HUWE1: variants seen among roughly 807,000 people sequenced by gnomAD.
The protein encoded by HUWE1 is E3 ubiquitin-protein ligase HUWE1.
Under a neutral mutation model 299.4 loss-of-function variants are expected in HUWE1, and 18 were observed. The ratio of observed to expected loss-of-function variants is 0.06; its 90% CI spans 0.04 to 0.09. HUWE1 has a LOEUF of 0.09. Ranked by LOEUF, HUWE1 falls within the 10% of genes least tolerant of loss-of-function variation. The pLI, the probability that HUWE1 is intolerant of heterozygous loss-of-function variation, is 1.00. For missense variants in HUWE1, 1,832 were observed against 3,462.3 expected (o/e 0.53, Z 11.82); for synonymous variants, 1,317 against 1,286.1 (o/e 1.02, Z -0.51).
chrX:53,663,598 C>T (rs1362482469), intron 3 of HUWE1, among the ~76,000 whole-genome samples: 1 of 111,221 alleles, frequency 9.0e-6, no homozygotes, highest in African/African-American at 3.3e-5. Flanking sequence ...TAAATAAAGA[C>T]ACTAGCTTAT....
At chrX:53,551,713 A>G (rs1556929240) in intron 63 of HUWE1, among the ~76,000 whole-genome samples, 2 of 111,009 alleles carry the variant, frequency 1.8e-5, no homozygotes, top group South Asian at 3.8e-4. Context: ...GGGTCTCCCT[A>G]TGTTGCCCAG....
intron 51 of HUWE1, 128 bp downstream of exon 51, chrX:53,564,446 C>T: frequency 1.3e-6 from 1 of 744,175 alleles, no homozygotes; most frequent in Non-Finnish European, 2.0e-6. Context: ...CTAAGCATAT[C>T]ACCCATGCTC....
rs1556981442 is a variant in HUWE1, at chrX:53,593,502, G to A, written c.3603C>T (p.Ala1201=). ...CCATCTTCTCCACCAGCATAAGCCA[G>A]GCATCTAGGAATTCTCCTGTGCCAT... ...LPDGTGEFLD[A]WLMLVEKMVN... is the part of the protein sequence containing the mutation. The change falls in exon 32 of 84, where the codon GCC becomes GCT. Residue 1201 remains alanine, a synonymous_variant. Coordinates refer to ENST00000262854, the MANE Select transcript of HUWE1 (RefSeq NM_031407.7). 1.7e-6 allele frequency: 2 copies of A among 1,211,194 alleles called. No homozygotes were observed.
rs185657233 is a variant in HUWE1 at position 53,583,852 on chromosome X, G to A, written c.5226C>T (p.Ile1742=). 2.9e-5 allele frequency: 35 copies of A among 1,207,469 alleles called. No homozygotes were observed. In the African/African-American group the frequency reaches 3.3e-4, roughly 12 times the overall value. The change falls in exon 42 of 84, where the codon ATC becomes ATT. Residue 1742 remains isoleucine, a synonymous_variant. Coordinates refer to ENST00000262854, the MANE Select transcript of HUWE1 (RefSeq NM_031407.7). ...EKETSLEETK[I]GEILIQGLTE... is the part of the protein sequence containing the mutation. ...TCAAGCCCTGGATCAGGATCTCCCCGATTTTTGTTTCCTCCAGGCTTGTCT... is the reference window on the plus strand; with the variant it reads ...TCAAGCCCTGGATCAGGATCTCCCCAATTTTTGTTTCCTCCAGGCTTGTCT...
chrX:53,640,818 C>T (rs797043304), intron 7 of HUWE1, among the ~76,000 whole-genome samples: 3 of 112,056 alleles, frequency 2.7e-5, no homozygotes, highest in African/African-American at 6.5e-5. Flanking sequence ...GAAACATACC[C>T]GATACTTTAT....
intron 18 of HUWE1, 60 bp from the exon 19 acceptor site, chrX:53,624,735 G>C (rs1482539534): frequency 2.5e-6 from 2 of 801,329 alleles, no homozygotes; most frequent in African/African-American, 4.1e-5. Context: ...TGAGGAGTGG[G>C]GATAATTGAG....
chrX:53,609,305 T>G (rs782147381), intron 23 of HUWE1, among the ~76,000 whole-genome samples: 1 of 112,143 alleles, frequency 8.9e-6, no homozygotes, highest in East Asian at 2.8e-4. Context: ...GTTAGGGAAA[T>G]TTATCCACAT....
chrX:53,561,318 T>C (rs2062278855), intron 55 of HUWE1, among the ~76,000 whole-genome samples: 1 of 112,171 alleles, frequency 8.9e-6, no homozygotes, highest in African/African-American at 3.2e-5. Flanking sequence ...AAAAGACGCA[T>C]CCTGGATGAA....
chrX:53,652,477 C>T (rs1426915651), intron 4 of HUWE1, among the ~76,000 whole-genome samples: 1 of 111,883 alleles, frequency 8.9e-6, no homozygotes, highest in African/African-American at 3.2e-5. Flanking sequence ...ACTAGGATCA[C>T]TTTTCTAGGT....
At chrX:53,654,473 G>T (rs1406724728) in intron 3 of HUWE1, among the ~76,000 whole-genome samples, 1 of 111,156 alleles carries the variant, frequency 9.0e-6, no homozygotes, top group Non-Finnish European at 1.9e-5. Context: ...ATTCACCATA[G>T]CCCTGCAGTT....
intron 11 of HUWE1, 130 bp from the exon 12 acceptor site, chrX:53,631,164 C>T (rs1557022394): frequency 2.3e-5 from 12 of 520,068 alleles, no homozygotes; most frequent in Non-Finnish European, 3.1e-5. Flanking sequence ...CAGAAAGCTA[C>T]CACCACTTAT....
chrX:53,553,658 A>C (rs912004150), intron 61 of HUWE1, among the ~76,000 whole-genome samples: 1 of 107,635 alleles, frequency 9.3e-6, no homozygotes, highest in Admixed American at 9.9e-5. Flanking sequence ...AAAAATACAA[A>C]AATCAGCTGG....
At chrX:53,542,845 T>TTGTG (rs57187405) in intron 73 of HUWE1, 12,222 of 162,951 alleles carry the variant, frequency 0.075, 695 homozygotes, top group East Asian at 0.088. Flanking sequence ...TCTTCTTCTG[T>TTGTG]TGTGTGTGTG....
Position 53,542,538 on chromosome X carries a change from G to A in HUWE1, c.11381C>T (p.Ser3794Leu). ...AGACGCCTCTGACTGGCTAGACTCC[G>A]ACTGGATAAAAGGGAGACAAAAATC... ...RARRQQQAAT[S>L]ESSQSEASVR... is the part of the protein sequence containing the mutation. Residue 3794 changes from serine (S) to leucine (L), a missense_variant and splice_region_variant, in exon 74 of 84, where the codon TCG becomes TTG. Physicochemically the swap from Ser to Leu is moderately radical, Grantham distance 145. Transcript: ENST00000262854. 2 of 1,170,406 alleles carry A rather than the reference G, an allele frequency of 1.7e-6. No homozygotes were observed. The highest frequency in any genetic ancestry group is 1.8e-5 in the African/African-American group (1 of 57,077).
At chrX:53,615,522 C>T (rs1164426342) in intron 22 of HUWE1, among the ~76,000 whole-genome samples, 1 of 111,592 alleles carries the variant, frequency 9.0e-6, no homozygotes, top group Non-Finnish European at 1.9e-5. Flanking sequence ...GCCACTGCAC[C>T]CAGGCTAAAA....
intron 28 of HUWE1, among the ~76,000 whole-genome samples, chrX:53,601,486 A>G (rs1446998670): frequency 9.1e-6 from 1 of 109,623 alleles, no homozygotes; most frequent in Non-Finnish European, 1.9e-5. Context: ...GCCTGGCCTG[A>G]TGCATTTTTA....
Position 53,631,127 on chromosome X carries a change from G to A in HUWE1, c.763-93C>T, listed in dbSNP as rs182804590. ...AACTCAAAAAACAACACAACTAAAC[G>A]TTTTCTCCTTTGATATCCGAAGTGT... On this transcript the variant is annotated intron_variant, in intron 11 of 83. Coordinates refer to ENST00000262854, the MANE Select transcript of HUWE1 (RefSeq NM_031407.7). The A allele has an allele frequency of 2.1e-4, 126 of 593,471 alleles. No homozygotes were observed. The Middle Eastern group carries it at 5.0e-3, about 23-fold the overall frequency. 48.9% of individuals were successfully genotyped at this position (593,471 alleles called of 1,213,427 possible). A position where few individuals can be genotyped will look rare whatever the true frequency, so the allele number is the denominator to read the frequency against.
At chrX:53,644,155 CTTCT>C (rs1371016935) in intron 7 of HUWE1, among the ~76,000 whole-genome samples, 2 of 112,403 alleles carry the variant, frequency 1.8e-5, no homozygotes, top group Non-Finnish European at 3.8e-5. Flanking sequence ...GTATTCTTCG[CTTCT>C]TTCTTTTCTG....
At chrX:53,598,520 T>C (rs1602992418) in intron 29 of HUWE1, among the ~76,000 whole-genome samples, 1 of 111,595 alleles carries the variant, frequency 9.0e-6, no homozygotes, top group East Asian at 2.8e-4. Context: ...ACCACCCAGA[T>C]GAAGACCTCT....
Sources: gnomAD v4.1 joint callset for allele counts (sites outside exome capture counted in the v4.1 genomes callset) on GRCh38, gnomAD v4.1.1 for gene constraint, MANE v1.5 for transcripts, NCBI Gene and HGNC (gene_info 2026-07-23, HGNC 2026-07-21) for gene names.